Variants in DRC11 observed in about 807,000 individuals in gnomAD.
DRC11 encodes IQ and AAA domain-containing protein 1.
the DRC11 span, among the ~76,000 whole-genome samples, chr2:236,399,757 GTCT>G: frequency 1.3e-5 from 2 of 152,144 alleles, no homozygotes; most frequent in Non-Finnish European, 2.9e-5. This position sits in a 1 kb window ranked among gnomAD's most constrained non-coding sequence, Gnocchi z 7.0. Flanking sequence ...GTTTGATCCT[GTCT>G]TCTTTTTTGA....
At chr2:236,397,227 G>A in the DRC11 span, among the ~76,000 whole-genome samples, 1 of 152,234 alleles carries the variant, frequency 6.6e-6, no homozygotes, top group African/African-American at 2.4e-5. The surrounding 1 kb of genome is among the most constrained non-coding windows in gnomAD (Gnocchi z 5.0). Flanking sequence ...ATTTATCCAT[G>A]TCAGACATGA....
the DRC11 span, among the ~76,000 whole-genome samples, chr2:236,459,673 G>T: frequency 7.1e-6 from 1 of 141,060 alleles, no homozygotes; most frequent in African/African-American, 2.6e-5. Context: ...ACGTATATAC[G>T]TATATATGTA....
At chr2:236,447,251 G>C in the DRC11 span, among the ~76,000 whole-genome samples, 1 of 151,670 alleles carries the variant, frequency 6.6e-6, no homozygotes, top group Admixed American at 6.6e-5. The surrounding 1 kb of genome is among the most constrained non-coding windows in gnomAD (Gnocchi z 4.6). Context: ...GACCAGGTTG[G>C]AAACAGAATC....
chr2:236,381,061 G>A, the DRC11 span, among the ~76,000 whole-genome samples: 3 of 152,142 alleles, frequency 2.0e-5, no homozygotes, highest in Non-Finnish European at 4.4e-5. This position sits in a 1 kb window ranked among gnomAD's most constrained non-coding sequence, Gnocchi z 5.8. Flanking sequence ...CCAAGGTGCT[G>A]GTATTAAGAG....
chr2:236,416,728 TATA>T, the DRC11 span, among the ~76,000 whole-genome samples: 5 of 29,732 alleles, frequency 1.7e-4, no homozygotes, highest in East Asian at 3.7e-3. Flanking sequence ...TATTTATATA[TATA>T]TATATATATA....
the DRC11 span, among the ~76,000 whole-genome samples, chr2:236,367,156 T>C: frequency 2.0e-5 from 3 of 150,808 alleles, 1 homozygote; most frequent in African/African-American, 7.3e-5. The surrounding 1 kb of genome is among the most constrained non-coding windows in gnomAD (Gnocchi z 4.8). Context: ...TCCATGATGC[T>C]TCATGGAAGT....
chr2:236,427,397 T>C, the DRC11 span, among the ~76,000 whole-genome samples: 1 of 152,204 alleles, frequency 6.6e-6, no homozygotes, highest in South Asian at 2.1e-4. This position sits in a 1 kb window ranked among gnomAD's most constrained non-coding sequence, Gnocchi z 5.9. Context: ...AGAAGCCATT[T>C]TATCCTGGGC....
At chr2:236,393,209 C>G in the DRC11 span, among the ~76,000 whole-genome samples, 1 of 152,156 alleles carries the variant, frequency 6.6e-6, no homozygotes, top group East Asian at 1.9e-4. This position sits in a 1 kb window ranked among gnomAD's most constrained non-coding sequence, Gnocchi z 4.7. Context: ...ACAACCGCCA[C>G]CCAGTCTGGC....
the DRC11 span, chr2:236,338,440 A>T: frequency 6.7e-7 from 1 of 1,501,116 alleles, no homozygotes; most frequent in Non-Finnish European, 9.1e-7. Context: ...AAAAAATGAA[A>T]GAAAATTTAC....
the DRC11 span, among the ~76,000 whole-genome samples, chr2:236,356,732 G>C: frequency 1.3e-5 from 2 of 151,796 alleles, no homozygotes; most frequent in Non-Finnish European, 2.9e-5. Flanking sequence ...TTCCCGCTCC[G>C]CTGTCCCCTG....
the DRC11 span, among the ~76,000 whole-genome samples, chr2:236,480,420 T>G: frequency 6.6e-6 from 1 of 152,178 alleles, no homozygotes; most frequent in African/African-American, 2.4e-5. Context: ...TCTTCATTCC[T>G]TTTCATTCTT....
chr2:236,417,479 C>G, the DRC11 span, among the ~76,000 whole-genome samples: 50 of 152,054 alleles, frequency 3.3e-4, no homozygotes, highest in Admixed American at 2.2e-3. Context: ...CACTGCCTCT[C>G]AACAGTCACT....
chr2:236,414,258 T>G, the DRC11 span, among the ~76,000 whole-genome samples: 1 of 152,200 alleles, frequency 6.6e-6, no homozygotes, highest in Non-Finnish European at 1.5e-5. Flanking sequence ...ATTTTCCCTT[T>G]TATGGATCCT....
At chr2:236,416,721 T>TTATATATATATATATATATATATATA in the DRC11 span, among the ~76,000 whole-genome samples, 5 of 64,248 alleles carry the variant, frequency 7.8e-5, no homozygotes, top group Non-Finnish European at 1.4e-4. Flanking sequence ...ATATATATAT[T>TTATATATATATATATATATATATATA]TATATATATA....
the DRC11 span, among the ~76,000 whole-genome samples, chr2:236,470,657 A>G: frequency 1.3e-5 from 2 of 152,180 alleles, no homozygotes; most frequent in Non-Finnish European, 2.9e-5. The surrounding 1 kb of genome is among the most constrained non-coding windows in gnomAD (Gnocchi z 5.1). Flanking sequence ...TAATATATCT[A>G]TATTTATGTA....
the DRC11 span, among the ~76,000 whole-genome samples, chr2:236,381,192 GATA>G: frequency 6.6e-6 from 1 of 152,154 alleles, no homozygotes; most frequent in Non-Finnish European, 1.5e-5. This position sits in a 1 kb window ranked among gnomAD's most constrained non-coding sequence, Gnocchi z 5.8. Flanking sequence ...CTTTGAAGTG[GATA>G]ATGAGGCCTC....
chr2:236,402,385 G>C, the DRC11 span, among the ~76,000 whole-genome samples: 1 of 152,180 alleles, frequency 6.6e-6, no homozygotes, highest in Non-Finnish European at 1.5e-5. The surrounding 1 kb of genome is among the most constrained non-coding windows in gnomAD (Gnocchi z 6.0). Context: ...TTGCATTTCA[G>C]CTTTGCATTT....
At chr2:236,361,077 G>A in the DRC11 span, among the ~76,000 whole-genome samples, 9 of 151,970 alleles carry the variant, frequency 5.9e-5, no homozygotes, top group South Asian at 2.1e-4. The surrounding 1 kb of genome is among the most constrained non-coding windows in gnomAD (Gnocchi z 5.7). Flanking sequence ...TGATGACCCC[G>A]TTTTGAAATG....
the DRC11 span, among the ~76,000 whole-genome samples, chr2:236,425,625 G>A: frequency 6.6e-6 from 1 of 152,092 alleles, no homozygotes; most frequent in Non-Finnish European, 1.5e-5. Context: ...CTGTGCAGAA[G>A]TTTTTTAGTT....
Sources: allele counts gnomAD v4.1 joint callset (sites outside exome capture counted in the v4.1 genomes callset), GRCh38; gene constraint gnomAD v4.1.1; non-coding constraint Gnocchi (gnomAD v3.1); transcripts MANE v1.5; gene names NCBI Gene and HGNC (gene_info 2026-07-23, HGNC 2026-07-21).